Variants in MMP2 observed in about 807,000 individuals in gnomAD.
The protein encoded by MMP2 is 72 kDa type IV collagenase.
In MMP2, 39 loss-of-function variants were observed where a neutral mutation model predicts 74.8. The ratio of observed to expected loss-of-function variants is 0.52; its 90% CI spans 0.40 to 0.68. The LOEUF is 0.68. MMP2 is among the 30% of genes least tolerant of loss of function. MMP2 has a pLI of 0.00. For synonymous variants in MMP2, 367 were observed against 339.8 expected (o/e 1.08, Z -0.88); for missense variants, 803 against 878.3 (o/e 0.91, Z 1.08).
chr16:55,481,914 A>ATAT (rs768778245), intron 1 of MMP2: 2 of 700,332 alleles, frequency 2.9e-6, no homozygotes, highest in Admixed American at 2.1e-5. Flanking sequence ...TTATTCTATT[A>ATAT]TATTATTATT....
In MMP2 at chr16:55,479,311, CG is replaced by C; in HGVS notation, c.-164del. On this transcript the variant is annotated 5_prime_UTR_variant, in exon 1 of 13. Transcript: ENST00000219070. ...GGCGGCGGCGGCGGGGGCTGGGGCGCGGGGGCCGGACCATGAGCCGCTGAGC... is the reference window on the plus strand; with the variant it reads ...GGCGGCGGCGGCGGGGGCTGGGGCGCGGGGCCGGACCATGAGCCGCTGAGC... 6 of 714,782 alleles carry C rather than the reference CG, an allele frequency of 8.4e-6. No homozygotes were observed. Among genetic ancestry groups the C allele is most frequent in the Non-Finnish European group, 1.1e-5 (6 of 524,696 alleles). 44.3% of individuals were successfully genotyped at this position (714,782 alleles called of 1,614,324 possible). A position where few individuals can be genotyped will look rare whatever the true frequency, so the allele number is the denominator to read the frequency against.
In MMP2 at chr16:55,498,311, A is replaced by G. The variant is rs1251453758; in HGVS notation, c.1632A>G (p.Ser544=). 6.2e-7 allele frequency: 1 copy of G among 1,614,104 alleles called. No homozygotes were observed. Among genetic ancestry groups the G allele is most frequent in the African/African-American group, 1.3e-5 (1 of 74,940 alleles). The stretch of plus-strand genomic sequence containing the variant: ...CAGGGAATGAATACTGGATCTACTC[A>G]GCCAGCACCCTGGAGCGAGGGTACC... The part of the protein sequence containing the change: ...FFAGNEYWIY[S]ASTLERGYPK... The change falls in exon 11 of 13, where the codon TCA becomes TCG. Residue 544 remains serine, a synonymous_variant. Transcript: ENST00000219070.
chr16:55,482,426 G>A (rs890626763), intron 1 of MMP2, among the ~76,000 whole-genome samples: 11 of 152,188 alleles, frequency 7.2e-5, no homozygotes, highest in Admixed American at 6.5e-4. Context: ...AGATAAATGA[G>A]TTGATAGAGG....
chr16:55,481,298 C>A (rs1962091625), intron 1 of MMP2, among the ~76,000 whole-genome samples: 1 of 152,110 alleles, frequency 6.6e-6, no homozygotes, highest in Non-Finnish European at 1.5e-5. Flanking sequence ...TATAGGGTAA[C>A]TTCTCAATGT....
rs17859943 is a variant in MMP2, at chr16:55,493,161, C to T, written c.1340C>T (p.Ala447Val). Residue 447 changes from alanine (A) to valine (V), a missense_variant, in exon 9 of 13, where the codon GCC (alanine) becomes GTC (valine). This residue lies in a region of MMP2 where 555 missense variants were observed against 592.0 expected (regional missense o/e 0.94). Coordinates refer to ENST00000219070, the MANE Select transcript of MMP2 (RefSeq NM_004530.6). Reference sequence around the variant, plus strand: ...TAAGGTCAGGTGTTCTCCCCAGGGGCCTCTCCTGACATTGACCTTGGCACC... The same window carrying T: ...TAAGGTCAGGTGTTCTCCCCAGGGGTCTCTCCTGACATTGACCTTGGCACC... ...DIKGIQELYG[A>V]SPDIDLGTGP... The T allele has an allele frequency of 1.8e-3, 2,973 of 1,613,624 alleles. 46 individuals carry two copies. In the African/African-American group the frequency reaches 0.03, roughly 16 times the overall value.
chr16:55,503,041 G>A (rs1962710454), intron 12 of MMP2, among the ~76,000 whole-genome samples, 153 bp downstream of exon 12: 1 of 152,186 alleles, frequency 6.6e-6, no homozygotes, highest in African/African-American at 2.4e-5. Context: ...GTGCTGGGAA[G>A]GTTTCCAGAT....
At chr16:55,502,489 T>G (rs1192612414) in intron 11 of MMP2, among the ~76,000 whole-genome samples, 1 of 152,224 alleles carries the variant, frequency 6.6e-6, no homozygotes, top group Non-Finnish European at 1.5e-5. Context: ...TGGAAAGTGG[T>G]TAACACACTG....
At chr16:55,488,866 G>A in intron 6 of MMP2, 150 bp downstream of exon 6, 1 of 828,544 alleles carries the variant, frequency 1.2e-6, no homozygotes, top group Non-Finnish European at 2.0e-6. Flanking sequence ...AGATGTCCGT[G>A]TAGCTAGTCA....
At chr16:55,486,297 G>T (rs1423436552) in intron 5 of MMP2, among the ~76,000 whole-genome samples, 2 of 150,790 alleles carry the variant, frequency 1.3e-5, no homozygotes, top group Non-Finnish European at 2.9e-5. Context: ...CTCCTGCCTT[G>T]GTCCTGATGC....
chr16:55,502,944 C>T, intron 12 of MMP2, 56 bp downstream of exon 12: 1 of 1,406,784 alleles, frequency 7.1e-7, no homozygotes, highest in Non-Finnish European at 1.0e-6. Context: ...TAGCCAGGGC[C>T]CAGCTCCTTG....
chr16:55,498,587 T>C, intron 11 of MMP2, 139 bp downstream of exon 11: 2 of 1,090,732 alleles, frequency 1.8e-6, no homozygotes, highest in Non-Finnish European at 2.8e-6. Flanking sequence ...CTAACCTCTT[T>C]GGTCTCTGGC....
Position 55,488,584 on chromosome 16 carries a change from A to C in MMP2, c.874A>C (p.Lys292Gln). The change falls in exon 6 of 13, where the codon AAG becomes CAG. Residue 292 changes from lysine (K) to glutamine (Q), a missense_variant. By Grantham distance (53) the Lys-to-Gln change is moderately conservative. This residue lies in a region of MMP2 where 555 missense variants were observed against 592.0 expected (regional missense o/e 0.94). Transcript: ENST00000219070. ...CGGCAACGCTGAAGGACAGCCCTGCAAGTTTCCATTCCGCTTCCAGGGCAC... is the reference window on the plus strand; with the variant it reads ...CGGCAACGCTGAAGGACAGCCCTGCCAGTTTCCATTCCGCTTCCAGGGCAC... Reference protein sequence around the residue: ...MGGNAEGQPCKFPFRFQGTSY... With the variant: ...MGGNAEGQPCQFPFRFQGTSY... 1 of 1,613,990 alleles carries C rather than the reference A, an allele frequency of 6.2e-7. No individual in the cohort carries two copies. Among genetic ancestry groups the C allele is most frequent in the Non-Finnish European group, 8.5e-7 (1 of 1,179,974 alleles).
chr16:55,492,507 A>G (rs1272972207), intron 8 of MMP2, among the ~76,000 whole-genome samples: 1 of 151,658 alleles, frequency 6.6e-6, no homozygotes, highest in Non-Finnish European at 1.5e-5. Context: ...AGAGTTTAAA[A>G]AGTCAGTTCA....
chr16:55,493,067 T>C, intron 8 of MMP2, 91 bp from the exon 9 acceptor site: 2 of 1,520,568 alleles, frequency 1.3e-6, no homozygotes, highest in Admixed American at 1.8e-5. Flanking sequence ...CTTCTGACTC[T>C]TAGATGGTTG....
At chr16:55,503,223 G>A (rs376586724) in intron 12 of MMP2, among the ~76,000 whole-genome samples, 4 of 152,196 alleles carry the variant, frequency 2.6e-5, no homozygotes, top group Admixed American at 6.5e-5. Context: ...GCCCATTTGC[G>A]TTTTGCAGGA....
chr16:55,499,485 G>A (rs1962613099), intron 11 of MMP2, among the ~76,000 whole-genome samples: 2 of 152,262 alleles, frequency 1.3e-5, no homozygotes, highest in South Asian at 2.1e-4. Context: ...CGTGGCTGTG[G>A]GTGCAGGTTG....
At chr16:55,500,735 G>C in intron 11 of MMP2, among the ~76,000 whole-genome samples, 1 of 152,242 alleles carries the variant, frequency 6.6e-6, no homozygotes, top group South Asian at 2.1e-4. Context: ...GCTTCCAAAG[G>C]AGACAGATCT....
Position 55,489,725 on chromosome 16 carries a change from G to A in MMP2, c.1081G>A (p.Glu361Lys). Residue 361 changes from glutamate (E) to lysine (K), a missense_variant, in exon 7 of 13, where the codon GAG becomes AAG. Transcript: ENST00000219070. ...FPFTFLGNKY[E>K]SCTSAGRSDG... Reference sequence around the variant, plus strand: ...CTTCACTTTCCTGGGCAACAAATATGAGAGCTGCACCAGCGCCGGCCGCAG... The same window carrying A: ...CTTCACTTTCCTGGGCAACAAATATAAGAGCTGCACCAGCGCCGGCCGCAG... 1.2e-6 allele frequency: 2 copies of A among 1,614,156 alleles called. No homozygotes were observed. Among genetic ancestry groups the A allele is most frequent in the Non-Finnish European group, 1.7e-6 (2 of 1,180,034 alleles).
intron 3 of MMP2, 53 bp from the exon 4 acceptor site, chr16:55,485,246 G>A (rs1350129223): frequency 1.9e-6 from 3 of 1,610,036 alleles, no homozygotes; most frequent in East Asian, 4.5e-5. Context: ...GTGTGGAGGG[G>A]TTTCAGGGTC....
Sources: allele counts gnomAD v4.1 joint callset (sites outside exome capture counted in the v4.1 genomes callset), GRCh38; gene constraint gnomAD v4.1.1; regional missense constraint gnomAD v4.1.1; transcripts MANE v1.5; gene names NCBI Gene and HGNC (gene_info 2026-07-23, HGNC 2026-07-21).